Variants in JMJD1C observed in about 807,000 individuals in gnomAD.
The protein encoded by JMJD1C is jumonji domain containing 1C.
Under a neutral mutation model 245.3 loss-of-function variants are expected in JMJD1C, and 31 were observed. That is an observed-to-expected ratio of 0.13 (90% confidence interval 0.09 to 0.17). The LOEUF (loss-of-function observed/expected upper bound fraction) is 0.17, where lower values mean the gene tolerates loss of function less well. JMJD1C is among the 10% of genes least tolerant of loss of function. The probability of loss-of-function intolerance (pLI) is 1.00; values close to 1 mark genes in which losing one functional copy is unlikely to be tolerated. For synonymous variants in JMJD1C, 1,057 were observed against 1,017.4 expected (o/e 1.04, Z -0.74); for missense variants, 2,691 against 3,000.2 (o/e 0.90, Z 2.41).
chr10:63,178,705 G>A (rs1359090248), intron 22 of JMJD1C, among the ~76,000 whole-genome samples: 3 of 152,172 alleles, frequency 2.0e-5, no homozygotes, highest in Non-Finnish European at 2.9e-5. Flanking sequence ...GAACAAAGTT[G>A]TGGTTTTGAG....
intron 1 of JMJD1C, among the ~76,000 whole-genome samples, chr10:63,381,449 G>A (rs752446666): frequency 2.0e-4 from 31 of 152,070 alleles, no homozygotes; most frequent in Non-Finnish European, 3.7e-4. Flanking sequence ...GGAATTTGAG[G>A]CTACAGTGAG....
chr10:63,309,501 A>G (rs1938833717), intron 2 of JMJD1C, among the ~76,000 whole-genome samples: 1 of 149,734 alleles, frequency 6.7e-6, no homozygotes, highest in South Asian at 2.1e-4. Flanking sequence ...TCTCAAAAAA[A>G]AAAAAAAAAA....
intron 1 of JMJD1C, among the ~76,000 whole-genome samples, chr10:63,502,778 A>T (rs2133255585): frequency 6.6e-6 from 1 of 151,656 alleles, no homozygotes; most frequent in East Asian, 1.9e-4. Flanking sequence ...TTTTTATTTT[A>T]TTTTTTTGAT....
At chr10:63,252,759 C>T (rs1386106259) in intron 3 of JMJD1C, among the ~76,000 whole-genome samples, 2 of 152,128 alleles carry the variant, frequency 1.3e-5, no homozygotes, top group Non-Finnish European at 2.9e-5. Context: ...TAAGATATTC[C>T]CCCATCAGCT....
chr10:63,310,448 A>C (rs1210055424), intron 2 of JMJD1C, among the ~76,000 whole-genome samples: 1 of 152,222 alleles, frequency 6.6e-6, no homozygotes, highest in African/African-American at 2.4e-5. Context: ...AGTGGTACAG[A>C]TTAAATGAAT....
At chr10:63,281,728 C>T (rs528873408) in intron 2 of JMJD1C, among the ~76,000 whole-genome samples, 1 of 152,132 alleles carries the variant, frequency 6.6e-6, no homozygotes, top group South Asian at 2.1e-4. Context: ...CTCGGCCTTC[C>T]AAAGTGCTGG....
chr10:63,355,424 T>C (rs532294351), intron 2 of JMJD1C, among the ~76,000 whole-genome samples: 1 of 152,358 alleles, frequency 6.6e-6, no homozygotes, highest in Admixed American at 6.5e-5. Flanking sequence ...AATTTTGTAA[T>C]GTGCAGATTC....
At chr10:63,222,526 C>G (rs1054700511) in intron 3 of JMJD1C, 21 of 1,389,026 alleles carry the variant, frequency 1.5e-5, no homozygotes, top group Non-Finnish European at 2.1e-5. Flanking sequence ...ACTTTTGTCC[C>G]AAAGATACTC....
At chr10:63,352,730 C>G (rs1335718362) in intron 2 of JMJD1C, among the ~76,000 whole-genome samples, 1 of 151,252 alleles carries the variant, frequency 6.6e-6, no homozygotes, top group Non-Finnish European at 1.5e-5. Flanking sequence ...AAATAATATA[C>G]AGTTGACCGC....
chr10:63,472,116 C>T (rs1589808837), intron 1 of JMJD1C, among the ~76,000 whole-genome samples: 1 of 152,024 alleles, frequency 6.6e-6, no homozygotes, highest in African/African-American at 2.4e-5. Context: ...TTCTACATTA[C>T]AAATAAACTT....
chr10:63,346,389 C>T (rs1322633595), intron 2 of JMJD1C, among the ~76,000 whole-genome samples: 1 of 152,118 alleles, frequency 6.6e-6, no homozygotes, highest in African/African-American at 2.4e-5. Flanking sequence ...CTGAAACAGC[C>T]CTAAAGCATA....
intron 1 of JMJD1C, among the ~76,000 whole-genome samples, chr10:63,483,426 C>G (rs922383492): frequency 2.6e-5 from 4 of 152,164 alleles, no homozygotes; most frequent in African/African-American, 9.7e-5. Context: ...ATCCTCTGTG[C>G]ATTTTAGGAA....
intron 2 of JMJD1C, among the ~76,000 whole-genome samples, chr10:63,291,439 C>T (rs145534765): frequency 0.011 from 1,635 of 151,164 alleles, 30 homozygotes; most frequent in African/African-American, 0.037. Flanking sequence ...ACATGTAAAA[C>T]CCCGTCTCTA....
In JMJD1C at chr10:63,443,109, C is replaced by T. The variant is rs149064178; in HGVS notation, c.168+22386G>A. On this transcript the variant is annotated intron_variant, in intron 1 of 25. Coordinates refer to ENST00000399262, the MANE Select transcript of JMJD1C (RefSeq NM_032776.3). ...CCTCCTCCAGTTAGGTAATTTGGTG[C>T]AATAACTCACAGAACTCAGGAAAGC... Among the ~76,000 whole-genome samples, 55 of 152,244 alleles carry T rather than the reference C, an allele frequency of 3.6e-4. 1 individual carries two copies. The highest frequency in any genetic ancestry group is 1.2e-3 in the African/African-American group (48 of 41,548).
chr10:63,208,209 G>A lies in JMJD1C; in HGVS notation c.3460C>T (p.Pro1154Ser), dbSNP rs1846887345. 6.2e-7 allele frequency: 1 copy of A among 1,614,098 alleles called. No homozygotes were observed. Among genetic ancestry groups the A allele is most frequent in the East Asian group, 2.2e-5 (1 of 44,882 alleles). ...TTGCCTACTAAACCTTCACTTTCTG[G>A]TTGGTGTTTAATCAAAGGTGGAGGC... ...SKPPPLIKHQ[P>S]ESEGLVGKIP... The change falls in exon 10 of 26, where the codon CCA (proline) becomes TCA (serine). Residue 1154 changes from proline to serine, a missense_variant. Physicochemically the swap from Pro to Ser is moderately conservative, Grantham distance 74. Coordinates refer to ENST00000399262, the MANE Select transcript of JMJD1C (RefSeq NM_032776.3).
chr10:63,414,934 T>G (rs762857969), intron 1 of JMJD1C, among the ~76,000 whole-genome samples: 1 of 120,046 alleles, frequency 8.3e-6, no homozygotes, highest in Non-Finnish European at 1.9e-5. Context: ...ATTCCAACAC[T>G]AGAGAAAAAA....
At chr10:63,478,183 C>T (rs958668893) in intron 1 of JMJD1C, among the ~76,000 whole-genome samples, 2 of 151,902 alleles carry the variant, frequency 1.3e-5, no homozygotes, top group African/African-American at 2.4e-5. Flanking sequence ...AACTCTCATA[C>T]AGTGCTGACT....
chr10:63,401,355 T>C (rs901179170), intron 1 of JMJD1C, among the ~76,000 whole-genome samples: 7 of 152,150 alleles, frequency 4.6e-5, no homozygotes, highest in African/African-American at 7.2e-5. Context: ...GGCCAACAGG[T>C]TGTCGAAAAT....
At chr10:63,257,051 A>G (rs1589303110) in intron 3 of JMJD1C, among the ~76,000 whole-genome samples, 1 of 152,052 alleles carries the variant, frequency 6.6e-6, no homozygotes, top group Non-Finnish European at 1.5e-5. Flanking sequence ...CCTGGCCAAC[A>G]CTGGTGAAAC....
Sources: gnomAD v4.1 joint callset for allele counts (sites outside exome capture counted in the v4.1 genomes callset) on GRCh38, gnomAD v4.1.1 for gene constraint, MANE v1.5 for transcripts, NCBI Gene and HGNC (gene_info 2026-07-23, HGNC 2026-07-21) for gene names.